Variants in PDE7B observed in about 807,000 individuals in gnomAD.
The protein encoded by PDE7B is 3',5'-cyclic-AMP phosphodiesterase 7B.
A neutral mutation model predicts 56.2 loss-of-function variants in PDE7B; 29 were observed. The observed-to-expected ratio is 0.52, with a 90% CI of 0.38 to 0.70. PDE7B has a LOEUF of 0.70. Ranked by LOEUF, PDE7B falls within the 30% of genes least tolerant of loss-of-function variation. PDE7B has a pLI of 0.00. For synonymous variants in PDE7B, 197 were observed against 196.9 expected (o/e 1.00, Z 0.00); for missense variants, 490 against 565.0 (o/e 0.87, Z 1.35).
chr6:135,935,021 A>G, intron 1 of PDE7B, among the ~76,000 whole-genome samples: 1 of 64,426 alleles, frequency 1.6e-5, no homozygotes, highest in South Asian at 5.6e-4. Flanking sequence ...ATAAATAAAT[A>G]TATAATATAT....
At chr6:136,093,120 A>G (rs1446710907) in intron 2 of PDE7B, among the ~76,000 whole-genome samples, 1 of 152,192 alleles carries the variant, frequency 6.6e-6, no homozygotes, top group Non-Finnish European at 1.5e-5. Flanking sequence ...ACATCAAATG[A>G]TCTCTGTAAA....
chr6:135,960,100 G>T (rs1774870503), intron 2 of PDE7B, among the ~76,000 whole-genome samples: 1 of 152,200 alleles, frequency 6.6e-6, no homozygotes, highest in African/African-American at 2.4e-5. Context: ...TTGCTTTCAT[G>T]GGACTTTAAG....
At chr6:135,893,322 GT>G (rs1376672950) in intron 1 of PDE7B, among the ~76,000 whole-genome samples, 1 of 148,226 alleles carries the variant, frequency 6.7e-6, no homozygotes, top group Non-Finnish European at 1.5e-5. Flanking sequence ...TGCGGTGTTT[GT>G]TTTTTGTTCC....
At chr6:135,867,071 T>C (rs1416862144) in intron 1 of PDE7B, among the ~76,000 whole-genome samples, 1 of 152,184 alleles carries the variant, frequency 6.6e-6, no homozygotes, top group African/African-American at 2.4e-5. Flanking sequence ...TTACAGCTAA[T>C]AAATGTAAAA....
intron 1 of PDE7B, among the ~76,000 whole-genome samples, chr6:135,947,154 A>G (rs2128199415): frequency 6.6e-6 from 1 of 152,208 alleles, no homozygotes; most frequent in South Asian, 2.1e-4. Context: ...GGCCTAATAG[A>G]TTGCATATCT....
In PDE7B at chr6:136,099,483, T is replaced by C. The variant is rs1368913849; in HGVS notation, c.83-9248T>C. Among the ~76,000 whole-genome samples the C allele has an allele frequency of 1.3e-5, 2 of 152,246 alleles. 1 individual carries two copies. Among genetic ancestry groups the C allele is most frequent in the Non-Finnish European group, 2.9e-5 (2 of 68,038 alleles). On this transcript the variant is annotated intron_variant, in intron 2 of 12. Coordinates refer to ENST00000308191, the MANE Select transcript of PDE7B (RefSeq NM_018945.4). ...GATTGCCATTCTAACTGGCATGAGA[T>C]GGTATCTCATTGTGGTTTTGATTTG... is the stretch of plus-strand genomic sequence containing the variant.
At chr6:136,074,267 T>G (rs1437148533) in intron 2 of PDE7B, among the ~76,000 whole-genome samples, 1 of 151,868 alleles carries the variant, frequency 6.6e-6, no homozygotes, top group Non-Finnish European at 1.5e-5. Flanking sequence ...TGGGGTTTTT[T>G]TGTTGTTTAA....
At chr6:135,856,480 T>C (rs1483708955) in intron 1 of PDE7B, among the ~76,000 whole-genome samples, 1 of 152,218 alleles carries the variant, frequency 6.6e-6, no homozygotes, top group Non-Finnish European at 1.5e-5. Context: ...ATAACTAAGT[T>C]GAGGGAACCT....
intron 8 of PDE7B, among the ~76,000 whole-genome samples, chr6:136,157,305 G>C (rs941531531): frequency 3.9e-5 from 6 of 152,292 alleles, no homozygotes; most frequent in Non-Finnish European, 7.4e-5. Flanking sequence ...TCGAGGCCTG[G>C]TGCAGTGGTT....
At chr6:136,018,037 C>T (rs1338103052) in intron 2 of PDE7B, among the ~76,000 whole-genome samples, 3 of 152,054 alleles carry the variant, frequency 2.0e-5, no homozygotes, top group African/African-American at 7.2e-5. Flanking sequence ...GATAAGGTAG[C>T]CAGGGAAAAT....
At chr6:136,138,232 A>G (rs2128445529) in intron 3 of PDE7B, among the ~76,000 whole-genome samples, 1 of 151,650 alleles carries the variant, frequency 6.6e-6, no homozygotes, top group South Asian at 2.1e-4. Context: ...ACCCAGAAAT[A>G]CATATCAATA....
intron 2 of PDE7B, among the ~76,000 whole-genome samples, chr6:136,025,387 A>G (rs1583834806): frequency 6.6e-6 from 1 of 152,318 alleles, no homozygotes; most frequent in East Asian, 1.9e-4. Context: ...GAATCATTGG[A>G]CTTCACTAGG....
At chr6:136,029,296 GA>G (rs1303687877) in intron 2 of PDE7B, among the ~76,000 whole-genome samples, 8 of 150,686 alleles carry the variant, frequency 5.3e-5, no homozygotes, top group South Asian at 2.1e-4. Context: ...TTGAAAGCAG[GA>G]AAAAAAAAGT....
chr6:136,154,070 C>T lies in PDE7B; in HGVS notation c.479-5C>T. On this transcript the variant is annotated splice_region_variant and splice_polypyrimidine_tract_variant and intron_variant, in intron 6 of 12. Transcript: ENST00000308191. ...AGTTGATTGAGTTATCTGTTTACCTCCCAGTCATGGTTCAAGAAGATTACC... is the reference window on the plus strand; with the variant it reads ...AGTTGATTGAGTTATCTGTTTACCTTCCAGTCATGGTTCAAGAAGATTACC... 1 of 1,603,704 alleles carries T rather than the reference C, an allele frequency of 6.2e-7. No homozygotes were observed. Among genetic ancestry groups the T allele is most frequent in the Non-Finnish European group, 8.5e-7 (1 of 1,170,662 alleles).
At chr6:135,986,548 C>T (rs1255929281) in intron 2 of PDE7B, among the ~76,000 whole-genome samples, 1 of 152,190 alleles carries the variant, frequency 6.6e-6, no homozygotes, top group Non-Finnish European at 1.5e-5. Flanking sequence ...GACATCCTAG[C>T]TCGATGGATC....
At chr6:135,980,509 A>T (rs1372182859) in intron 2 of PDE7B, among the ~76,000 whole-genome samples, 1 of 151,466 alleles carries the variant, frequency 6.6e-6, no homozygotes, top group African/African-American at 2.4e-5. Context: ...CAGGCAACCT[A>T]CAAAATGGGA....
intron 2 of PDE7B, among the ~76,000 whole-genome samples, chr6:135,981,516 T>C (rs1775295734): frequency 6.7e-6 from 1 of 150,356 alleles, no homozygotes; most frequent in Admixed American, 6.6e-5. Context: ...AAACATCAAA[T>C]AAAATTACTA....
intron 2 of PDE7B, among the ~76,000 whole-genome samples, chr6:135,973,815 TTA>T (rs1562457101): frequency 6.6e-6 from 1 of 152,200 alleles, no homozygotes; most frequent in Non-Finnish European, 1.5e-5. Context: ...CTGTAATAAA[TTA>T]TGTTTTGTTA....
At position 135,890,948 on chromosome 6, in the gene PDE7B, T is replaced by C. The variant is rs148865937; in HGVS notation, c.21+38929T>C. Among the ~76,000 whole-genome samples, 135 of 152,296 alleles carry C rather than the reference T, an allele frequency of 8.9e-4. 2 individuals are homozygous for C. In the East Asian group the frequency reaches 0.022, roughly 25 times the overall value. The stretch of plus-strand genomic sequence containing the variant: ...CAGTTAACTGTATAAAAGAAAGGCA[T>C]ATTTTCTTTTCCTGCATCCATAAGC... On this transcript the variant is annotated intron_variant, in intron 1 of 12. Coordinates refer to ENST00000308191, the MANE Select transcript of PDE7B (RefSeq NM_018945.4).
Sources: gnomAD v4.1 joint callset for allele counts (sites outside exome capture counted in the v4.1 genomes callset) on GRCh38, gnomAD v4.1.1 for gene constraint, MANE v1.5 for transcripts, NCBI Gene and HGNC (gene_info 2026-07-23, HGNC 2026-07-21) for gene names.